PCDH10: variants seen among roughly 807,000 people sequenced by gnomAD.
PCDH10 encodes the protein protocadherin 10.
A neutral mutation model predicts 74.4 loss-of-function variants in PCDH10; 15 were observed. The ratio of observed to expected loss-of-function variants is 0.20; its 90% CI spans 0.13 to 0.31. The LOEUF is 0.31. Among genes scored for constraint, PCDH10 ranks in the 10% least tolerant of loss-of-function variants. The pLI, the probability that PCDH10 is intolerant of heterozygous loss-of-function variation, is 1.00. For synonymous variants in PCDH10, 619 were observed against 589.8 expected, an observed-to-expected ratio of 1.05 and a Z score of -0.72; for missense variants, 1,260 against 1,390.2, an observed-to-expected ratio of 0.91 and a Z score of 1.49.
rs757256929 is a variant in PCDH10 at position 133,151,517 on chromosome 4, C to T, written c.1377C>T (p.Asn459=). ...TACAAGTGTCGGATGTGAACGACAA[C>T]GCGCCGCGTTTCAGCCAGCCGGTCT... The part of the protein sequence containing the change: ...IQVQVSDVND[N]APRFSQPVYD... The change falls in exon 1 of 5, where the codon AAC becomes AAT. Residue 459 remains asparagine, a synonymous_variant. Coordinates refer to ENST00000264360, the MANE Select transcript of PCDH10 (RefSeq NM_032961.3). The T allele has an allele frequency of 3.7e-6, 6 of 1,614,002 alleles. No individual in the cohort carries two copies. Among genetic ancestry groups the T allele is most frequent in the Admixed American group, 1.7e-5 (1 of 60,008 alleles).
chr4:133,163,164 G>A lies in PCDH10; in HGVS notation c.2985G>A (p.Gly995=), dbSNP rs772743119. The change falls in exon 4 of 5, where the codon GGG becomes GGA. Residue 995 remains glycine, a synonymous_variant. Transcript: ENST00000264360. ...EVFETPEAQP[G]AERSFSTFGK... ...TTGAAACTCCAGAAGCCCAGCCTGGGGCAGAGCGGTCCTTTTCCACCTTTG... is the reference window on the plus strand; with the variant it reads ...TTGAAACTCCAGAAGCCCAGCCTGGAGCAGAGCGGTCCTTTTCCACCTTTG... 1 of 1,614,132 alleles carries A rather than the reference G, an allele frequency of 6.2e-7. No individual in the cohort carries two copies.
intron 4 of PCDH10, among the ~76,000 whole-genome samples, chr4:133,172,629 A>G (rs868859144): frequency 1.4e-4 from 22 of 152,004 alleles, no homozygotes; most frequent in African/African-American, 4.1e-4. Context: ...CCAAAGCATT[A>G]CTACTATCCT....
chr4:133,159,063 A>C (rs1726916292), intron 3 of PCDH10, among the ~76,000 whole-genome samples: 1 of 152,078 alleles, frequency 6.6e-6, no homozygotes, highest in African/African-American at 2.4e-5. Flanking sequence ...TTAAGTCGTT[A>C]AAAGAGGACT....
intron 4 of PCDH10, among the ~76,000 whole-genome samples, chr4:133,172,562 T>A (rs1372975687): frequency 1.3e-5 from 2 of 152,016 alleles, no homozygotes; most frequent in Non-Finnish European, 2.9e-5. Context: ...AGCCAAAATA[T>A]TACTACTGTA....
chr4:133,184,801 T>TAA (rs1560714396), intron 4 of PCDH10, among the ~76,000 whole-genome samples: 3 of 141,652 alleles, frequency 2.1e-5, no homozygotes, highest in Non-Finnish European at 4.6e-5. Flanking sequence ...TATATTTATA[T>TAA]ATATATATTT....
At chr4:133,194,975 G>A (rs1727765904), downstream of PCDH10, among the ~76,000 whole-genome samples, 1 of 151,798 alleles carries the variant, frequency 6.6e-6, no homozygotes, top group Non-Finnish European at 1.5e-5. Flanking sequence ...CATAGAGGTT[G>A]TACATAAGAT....
chr4:133,166,264 T>C (rs1727078934), intron 4 of PCDH10, among the ~76,000 whole-genome samples: 1 of 151,586 alleles, frequency 6.6e-6, no homozygotes, highest in African/African-American at 2.4e-5. Flanking sequence ...GAATTTCAGT[T>C]TTACTTTACC....
intron 4 of PCDH10, among the ~76,000 whole-genome samples, chr4:133,171,501 A>G (rs1240385620): frequency 6.6e-6 from 1 of 152,158 alleles, no homozygotes; most frequent in Non-Finnish European, 1.5e-5. Context: ...TCTTCTAACA[A>G]AACATATGGG....
At chr4:133,164,697 A>T (rs1727042205) in intron 4 of PCDH10, among the ~76,000 whole-genome samples, 1 of 151,560 alleles carries the variant, frequency 6.6e-6, no homozygotes, top group Non-Finnish European at 1.5e-5. Flanking sequence ...ACATTTACAG[A>T]TGTCTTTTCT....
intron 4 of PCDH10, among the ~76,000 whole-genome samples, chr4:133,178,221 T>TG (rs1727334855): frequency 6.6e-6 from 1 of 151,972 alleles, no homozygotes; most frequent in African/African-American, 2.4e-5. Context: ...TGTGTGTTTT[T>TG]TTTTGTTTTG....
chr4:133,182,625 A>G (rs922966611), intron 4 of PCDH10, among the ~76,000 whole-genome samples: 2 of 152,108 alleles, frequency 1.3e-5, no homozygotes, highest in African/African-American at 4.8e-5. Context: ...TTTCAGTGAT[A>G]TTATAAACAT....
At chr4:133,155,657 T>C (rs1191033242) in intron 3 of PCDH10, among the ~76,000 whole-genome samples, 1 of 152,152 alleles carries the variant, frequency 6.6e-6, no homozygotes, top group Non-Finnish European at 1.5e-5. Context: ...TTCAACAGGG[T>C]CCATGACACA....
chr4:133,186,609 G>A (rs1325659906), intron 4 of PCDH10, among the ~76,000 whole-genome samples: 1 of 152,074 alleles, frequency 6.6e-6, no homozygotes, highest in Non-Finnish European at 1.5e-5. Flanking sequence ...TAATTGTCCT[G>A]GTACTGGCTC....
Position 133,171,274 on chromosome 4 carries a change from T to A in PCDH10, c.3103+7992T>A, listed in dbSNP as rs140869113. On this transcript the variant is annotated intron_variant, in intron 4 of 4. Transcript: ENST00000264360. ...TTATCACCAAGTGTTTTAAGGCTCA[T>A]CTATATGTCAGTCACTATATTTGGG... Among the ~76,000 whole-genome samples, 3 of 152,186 alleles carry A rather than the reference T, an allele frequency of 2.0e-5. No homozygotes were observed. In the South Asian group the frequency reaches 6.2e-4, roughly 31 times the overall value.
exon 3 of PCDH10, chr4:133,208,214 CT>C (rs1376820260): frequency 1.3e-5 from 2 of 152,200 alleles, no homozygotes; most frequent in Non-Finnish European, 2.9e-5. Context: ...GACAGTTTGA[CT>C]GCAACCTTTG....
At chr4:133,154,865 T>C in intron 2 of PCDH10, 52 bp from the exon 3 acceptor site, 1 of 1,241,790 alleles carries the variant, frequency 8.1e-7, no homozygotes, top group Admixed American at 1.7e-5. Context: ...AAGAATGTTT[T>C]CTGTGTTTCT....
At chr4:133,178,778 GTC>G (rs929766125) in intron 4 of PCDH10, among the ~76,000 whole-genome samples, 1 of 152,214 alleles carries the variant, frequency 6.6e-6, no homozygotes, top group East Asian at 1.9e-4. Context: ...ACTTGTGAGT[GTC>G]TCTCTATGAA....
chr4:133,164,745 A>G (rs1466666187), intron 4 of PCDH10, among the ~76,000 whole-genome samples: 1 of 151,346 alleles, frequency 6.6e-6, no homozygotes, highest in Non-Finnish European at 1.5e-5. Context: ...GACTAATGGA[A>G]ACAATTTTTA....
At chr4:133,155,451 G>A (rs573619089) in intron 3 of PCDH10, among the ~76,000 whole-genome samples, 1 of 152,274 alleles carries the variant, frequency 6.6e-6, no homozygotes, top group East Asian at 1.9e-4. Context: ...GATGATTGAA[G>A]ACTAGAATCC....
Sources: gnomAD v4.1 joint callset for allele counts (sites outside exome capture counted in the v4.1 genomes callset) on GRCh38, gnomAD v4.1.1 for gene constraint, MANE v1.5 for transcripts, NCBI Gene and HGNC (gene_info 2026-07-23, HGNC 2026-07-21) for gene names.